PDE3A: variants seen among roughly 807,000 people sequenced by gnomAD.
PDE3A encodes the protein phosphodiesterase 3A, also known as cGMP-inhibited 3',5'-cyclic phosphodiesterase 3A.
In PDE3A, 43 loss-of-function variants were observed where a neutral mutation model predicts 98.3. The observed-to-expected ratio is 0.44, with a 90% CI of 0.34 to 0.56. The LOEUF is 0.56. Among genes scored for constraint, PDE3A ranks in the 20% least tolerant of loss-of-function variants. PDE3A has a pLI of 0.01. For missense variants in PDE3A, 1,427 were observed against 1,440.7 expected, an observed-to-expected ratio of 0.99 and a Z score of 0.15; for synonymous variants, 663 against 567.9, an observed-to-expected ratio of 1.17 and a Z score of -2.38.
At chr12:20,481,849 C>G (rs1287517591) in intron 1 of PDE3A, among the ~76,000 whole-genome samples, 2 of 136,610 alleles carry the variant, frequency 1.5e-5, no homozygotes, top group African/African-American at 5.4e-5. Context: ...ACTGCAAGCT[C>G]CGCCTCCCGT....
chr12:20,491,407 C>A lies in PDE3A; in HGVS notation c.961-65253C>A, dbSNP rs534381440. ...AACCAGAGTGCTGCCTTCCCTCCCC[C>A]ACCTTTTGTTTCAATGGGTTGTTGT... On this transcript the variant is annotated intron_variant, in intron 1 of 15. Transcript: ENST00000359062. Among the ~76,000 whole-genome samples, 10 of 152,284 alleles carry A rather than the reference C, an allele frequency of 6.6e-5. No individual in the cohort carries two copies. The South Asian group carries it at 1.9e-3, about 28-fold the overall frequency.
chr12:20,548,207 G>T (rs1942104479), intron 1 of PDE3A, among the ~76,000 whole-genome samples: 2 of 152,028 alleles, frequency 1.3e-5, no homozygotes, highest in Non-Finnish European at 2.9e-5. Context: ...GGTCTTCATT[G>T]TGCCTATCTT....
chr12:20,483,445 C>T (rs1591977938), intron 1 of PDE3A, among the ~76,000 whole-genome samples: 2 of 152,030 alleles, frequency 1.3e-5, no homozygotes, highest in African/African-American at 4.8e-5. Flanking sequence ...CAAATTCTGG[C>T]AAATGACTTG....
intron 1 of PDE3A, among the ~76,000 whole-genome samples, chr12:20,466,465 G>GGGT (rs145829694): frequency 0.015 from 2,327 of 152,248 alleles, 60 homozygotes; most frequent in African/African-American, 0.052. Context: ...CCATCTAACA[G>GGGT]GGTGCGCTGA....
chr12:20,651,266 T>C (rs1243367079), intron 14 of PDE3A, among the ~76,000 whole-genome samples: 1 of 152,168 alleles, frequency 6.6e-6, no homozygotes, highest in Non-Finnish European at 1.5e-5. Context: ...CCCATCAGAA[T>C]GCACTTGAAC....
chr12:20,544,910 A>ATAT (rs1942011407), intron 1 of PDE3A, among the ~76,000 whole-genome samples: 4 of 152,172 alleles, frequency 2.6e-5, no homozygotes, highest in Admixed American at 6.6e-5. Context: ...ACTTCTAGAA[A>ATAT]TATTTCATCT....
intron 1 of PDE3A, among the ~76,000 whole-genome samples, chr12:20,375,287 G>A (rs1943549961): frequency 6.6e-6 from 1 of 151,546 alleles, no homozygotes; most frequent in African/African-American, 2.4e-5. Context: ...GAATCCTTTT[G>A]GTAATTACCT....
At chr12:20,505,018 A>G (rs557491136) in intron 1 of PDE3A, among the ~76,000 whole-genome samples, 3 of 152,184 alleles carry the variant, frequency 2.0e-5, no homozygotes, top group Admixed American at 1.3e-4. Context: ...TTTCCTTGTA[A>G]TTATACAGGG....
intron 15 of PDE3A, among the ~76,000 whole-genome samples, chr12:20,667,462 A>G (rs1295688077): frequency 1.3e-5 from 2 of 152,174 alleles, no homozygotes; most frequent in African/African-American, 4.8e-5. Flanking sequence ...ATAGTGAGAA[A>G]TGGAGTCTAG....
At chr12:20,609,062 T>C (rs1943782324) in intron 2 of PDE3A, among the ~76,000 whole-genome samples, 2 of 152,026 alleles carry the variant, frequency 1.3e-5, no homozygotes, top group Admixed American at 1.3e-4. Flanking sequence ...AAAATACTTA[T>C]TTCTAAAAGG....
At chr12:20,558,671 A>AT (rs1942432215) in intron 2 of PDE3A, among the ~76,000 whole-genome samples, 1 of 149,724 alleles carries the variant, frequency 6.7e-6, no homozygotes, top group African/African-American at 2.5e-5. Flanking sequence ...CTCTTATCTG[A>AT]TTTCAATTCC....
intron 15 of PDE3A, among the ~76,000 whole-genome samples, chr12:20,668,421 A>G (rs570174254): frequency 4.9e-4 from 75 of 152,194 alleles, no homozygotes; most frequent in Middle Eastern, 6.8e-3. Flanking sequence ...AAAAGACAGC[A>G]GTAACCTCTG....
rs903372506 is a variant in PDE3A at position 20,669,033 on chromosome 12, C to T, written c.3185-10997C>T. ...GCTGATGGAGCTGAAAACCAAGGCT[C>T]GAGAACTACGTGAAGAATGCAGAAG... is the stretch of plus-strand genomic sequence containing the variant. On this transcript the variant is annotated intron_variant, in intron 15 of 15. Coordinates refer to ENST00000359062, the MANE Select transcript of PDE3A (RefSeq NM_000921.5). Among the ~76,000 whole-genome samples, 64 of 151,064 alleles carry T rather than the reference C, an allele frequency of 4.2e-4. 1 individual carries two copies. Among genetic ancestry groups the T allele is most frequent in the South Asian group, 4.2e-3 (20 of 4,788 alleles).
chr12:20,369,465 CTT>C lies in PDE3A; in HGVS notation c.183_184del (p.Ser62LeufsTer26). 6.4e-7 allele frequency: 1 copy of C among 1,556,150 alleles called. No homozygotes were observed. Among genetic ancestry groups the C allele is most frequent in the African/African-American group, 1.4e-5 (1 of 73,500 alleles). ...GCAGCCGCTCCGGAGCTCTCGGAAA[CTT>C]TCCTCCGCGCTGTGCGCGGGCTCCC... ...VLQPLRSSRK[L>X]SSALCAGSLS... On this transcript the variant is annotated frameshift_variant, in exon 1 of 16. Transcript: ENST00000359062. LOFTEE classifies it high-confidence loss of function.
chr12:20,412,434 C>T (rs375406251), intron 1 of PDE3A, among the ~76,000 whole-genome samples: 1 of 152,142 alleles, frequency 6.6e-6, no homozygotes, highest in East Asian at 1.9e-4. Context: ...CTGAGAATCA[C>T]ACGGACAACT....
chr12:20,369,730 A>G lies in PDE3A; in HGVS notation c.446A>G (p.Tyr149Cys). Residue 149 changes from tyrosine to cysteine, a missense_variant, in exon 1 of 16, where the codon TAC becomes TGC. Coordinates refer to ENST00000359062, the MANE Select transcript of PDE3A (RefSeq NM_000921.5). ...LLCAFFWMGL[Y>C]LLRAGVRLPL... ...TGTGCCTTCTTCTGGATGGGCTTGT[A>G]CCTCCTGCGCGCCGGGGTGCGCCTG... 1 of 1,610,806 alleles carries G rather than the reference A, an allele frequency of 6.2e-7. No homozygotes were observed. Among genetic ancestry groups the G allele is most frequent in the African/African-American group, 1.3e-5 (1 of 74,652 alleles).
At chr12:20,427,462 C>A (rs919292570) in intron 1 of PDE3A, among the ~76,000 whole-genome samples, 11 of 152,138 alleles carry the variant, frequency 7.2e-5, no homozygotes, top group African/African-American at 2.2e-4. Context: ...TTCCATATTT[C>A]ATTCTTGTAT....
intron 2 of PDE3A, among the ~76,000 whole-genome samples, chr12:20,587,839 C>T (rs1592084844): frequency 6.6e-6 from 1 of 152,132 alleles, no homozygotes; most frequent in East Asian, 1.9e-4. Flanking sequence ...TTTAACACCT[C>T]TACTTTCACA....
intron 5 of PDE3A, among the ~76,000 whole-genome samples, chr12:20,629,513 C>A (rs1944335508): frequency 6.6e-6 from 1 of 152,136 alleles, no homozygotes; most frequent in African/African-American, 2.4e-5. Context: ...AATAGCAGAT[C>A]CTGTTCCTGC....
Sources: gnomAD v4.1 joint callset for allele counts (sites outside exome capture counted in the v4.1 genomes callset) on GRCh38, gnomAD v4.1.1 for gene constraint, MANE v1.5 for transcripts, NCBI Gene and HGNC (gene_info 2026-07-23, HGNC 2026-07-21) for gene names.